The following SLC37A3 variants were observed in gnomAD, a reference collection of about 807,000 sequenced individuals.
SLC37A3 encodes solute carrier family 37 member 3.
Under a neutral mutation model 67.1 loss-of-function variants are expected in SLC37A3, and 51 were observed. The ratio of observed to expected loss-of-function variants is 0.76; its 90% CI spans 0.61 to 0.96. The LOEUF (loss-of-function observed/expected upper bound fraction) is 0.96. Ranked by LOEUF, SLC37A3 falls within the 40% of genes least tolerant of loss-of-function variation. SLC37A3 has a pLI of 0.00. For synonymous variants in SLC37A3, 214 were observed against 231.4 expected (o/e 0.92, Z 0.68); for missense variants, 508 against 603.0 (o/e 0.84, Z 1.65).
chr7:140,361,740 C>T (rs1224320577), intron 5 of SLC37A3, among the ~76,000 whole-genome samples: 2 of 148,654 alleles, frequency 1.3e-5, no homozygotes, highest in Non-Finnish European at 3.0e-5. Flanking sequence ...TTGGTGGAGA[C>T]GGGGTTTTGC....
At chr7:140,354,905 A>T (rs1426537114) in intron 7 of SLC37A3, among the ~76,000 whole-genome samples, 1 of 151,810 alleles carries the variant, frequency 6.6e-6, no homozygotes, top group Non-Finnish European at 1.5e-5. Context: ...CCCCACACTC[A>T]GCTAATTTTT....
chr7:140,355,854 G>T (rs1797005423), intron 6 of SLC37A3, 90 bp from the exon 7 acceptor site: 1 of 1,050,226 alleles, frequency 9.5e-7, no homozygotes, highest in Admixed American at 2.0e-5. Context: ...AACAACCAAG[G>T]TGCATACTAC....
intron 1 of SLC37A3, among the ~76,000 whole-genome samples, chr7:140,387,490 C>T (rs1798500226): frequency 6.7e-6 from 1 of 149,520 alleles, no homozygotes; most frequent in Non-Finnish European, 1.5e-5. Flanking sequence ...TGATGCACGC[C>T]TGTAATCCCA....
rs1797516285 is a variant in SLC37A3, at chr7:140,364,430, C to T, written c.353G>A (p.Gly118Asp). 6.2e-7 allele frequency: 1 copy of T among 1,613,782 alleles called. No individual in the cohort carries two copies. Among genetic ancestry groups the T allele is most frequent in the Non-Finnish European group, 8.5e-7 (1 of 1,179,962 alleles). The change falls in exon 5 of 15, where the codon GGC becomes GAC. Residue 118 changes from glycine (G) to aspartate (D), a missense_variant. Physicochemically the swap from Gly to Asp is moderately conservative, Grantham distance 94 (BLOSUM62 -1). Transcript: ENST00000326232. ...TACCACTAATGCAGAAGAGCACATG[C>T]CAAAAGACAGAACCCATCGCAAATT... The part of the protein sequence containing the change: ...RLNLRWVLSF[G>D]MCSSALVVFV...
At chr7:140,351,537 T>C in intron 8 of SLC37A3, 86 bp from the exon 9 acceptor site, 1 of 1,357,532 alleles carries the variant, frequency 7.4e-7, no homozygotes, top group Non-Finnish European at 1.0e-6. Context: ...GAGGTGATGT[T>C]ATTTTTATTT....
chr7:140,382,936 C>T (rs1397536128), intron 1 of SLC37A3, among the ~76,000 whole-genome samples: 1 of 151,964 alleles, frequency 6.6e-6, no homozygotes, highest in Non-Finnish European at 1.5e-5. Flanking sequence ...AGTTCAATCC[C>T]ACTAGTAATA....
intron 10 of SLC37A3, among the ~76,000 whole-genome samples, chr7:140,346,664 C>T (rs1368973379): frequency 6.6e-6 from 1 of 152,196 alleles, no homozygotes; most frequent in Admixed American, 6.5e-5. Context: ...CTTTGGGAGA[C>T]CAAGGCTGGG....
intron 7 of SLC37A3, among the ~76,000 whole-genome samples, chr7:140,353,486 A>AG (rs1389063965): frequency 6.6e-6 from 1 of 151,830 alleles, no homozygotes; most frequent in East Asian, 1.9e-4. Context: ...TGGAAAAAAA[A>AG]AAAAGAAAGT....
chr7:140,373,781 C>G (rs1797914765), intron 3 of SLC37A3, among the ~76,000 whole-genome samples: 1 of 151,196 alleles, frequency 6.6e-6, no homozygotes, highest in African/African-American at 2.4e-5. Flanking sequence ...TTTGGGACTA[C>G]AGACACACTC....
chr7:140,344,999 TCAATAGGGACCGCTTCTGTCA>T (rs1235509351), intron 12 of SLC37A3, among the ~76,000 whole-genome samples, 196 bp downstream of exon 12: 4 of 152,118 alleles, frequency 2.6e-5, no homozygotes, highest in Non-Finnish European at 4.4e-5. Flanking sequence ...AAAATCTCTG[TCAATAGGGACCGCTTCTGTCA>T]CAATAGGACT....
intron 12 of SLC37A3, among the ~76,000 whole-genome samples, chr7:140,344,955 G>C (rs1397529400): frequency 6.6e-6 from 1 of 152,120 alleles, no homozygotes; most frequent in Non-Finnish European, 1.5e-5. Flanking sequence ...TTAGAGGTAA[G>C]AGCAGAAGCT....
chr7:140,351,238 C>T, intron 9 of SLC37A3, 35 bp downstream of exon 9: 2 of 1,591,170 alleles, frequency 1.3e-6, no homozygotes, highest in Non-Finnish European at 1.7e-6. Flanking sequence ...GCTCTCATAC[C>T]TCCCTGGCTG....
chr7:140,392,023 T>G (rs1798743325), intron 1 of SLC37A3, among the ~76,000 whole-genome samples: 2 of 152,184 alleles, frequency 1.3e-5, no homozygotes, highest in Admixed American at 1.3e-4. Context: ...TCTCACTGCC[T>G]ACACCACCAG....
chr7:140,334,174 A>G lies in SLC37A3; in HGVS notation c.*1238T>C, dbSNP rs923065858. The G allele has an allele frequency of 1.3e-5, 2 of 152,220 alleles. No individual in the cohort carries two copies. Among genetic ancestry groups the G allele is most frequent in the Non-Finnish European group, 2.9e-5 (2 of 68,028 alleles). The allele number at this position is 152,220 out of a possible 1,614,324, so 9.4% of individuals were successfully genotyped here. On this transcript the variant is annotated 3_prime_UTR_variant, in exon 15 of 15. Coordinates refer to ENST00000326232, the MANE Select transcript of SLC37A3 (RefSeq NM_207113.3). ...GATTTTTGGACTTTACAATGGTGTG[A>G]AATGGTTGCAATTTCAACATAATGT...
chr7:140,347,592 A>G (rs746910854), intron 10 of SLC37A3, among the ~76,000 whole-genome samples: 1 of 152,204 alleles, frequency 6.6e-6, no homozygotes. Flanking sequence ...TGCTTTCACA[A>G]GCTCACGGCA....
At chr7:140,376,500 G>C (rs776283914) in intron 3 of SLC37A3, among the ~76,000 whole-genome samples, 2 of 152,260 alleles carry the variant, frequency 1.3e-5, no homozygotes, top group Non-Finnish European at 2.9e-5. Context: ...GTGCTGGGGG[G>C]ACTATATAAG....
At chr7:140,392,383 C>A (rs1798755776) in intron 1 of SLC37A3, among the ~76,000 whole-genome samples, 1 of 152,140 alleles carries the variant, frequency 6.6e-6, no homozygotes, top group Non-Finnish European at 1.5e-5. Context: ...TAAATCCAGT[C>A]CTTTTCACCT....
chr7:140,397,744 CCTATAAA>C (rs1334967450), intron 1 of SLC37A3, among the ~76,000 whole-genome samples: 3 of 152,056 alleles, frequency 2.0e-5, no homozygotes, highest in Middle Eastern at 3.2e-3. Context: ...ACCACTCCTC[CCTATAAA>C]CTATAAACTT....
chr7:140,381,383 G>A (rs1003763932), intron 2 of SLC37A3, among the ~76,000 whole-genome samples: 2 of 151,764 alleles, frequency 1.3e-5, no homozygotes, highest in Admixed American at 6.6e-5. Flanking sequence ...TAATAAGCCA[G>A]GCATGGTGGC....
Sources: allele counts gnomAD v4.1 joint callset (sites outside exome capture counted in the v4.1 genomes callset), GRCh38; gene constraint gnomAD v4.1.1; transcripts MANE v1.5; gene names NCBI Gene and HGNC (gene_info 2026-07-23, HGNC 2026-07-21).